ADRA1B: variants seen among roughly 807,000 people sequenced by gnomAD.
ADRA1B encodes alpha-1B adrenergic receptor.
Under a neutral mutation model 17.9 loss-of-function variants are expected in ADRA1B, and 17 were observed. The ratio of observed to expected loss-of-function variants is 0.95; its 90% CI spans 0.65 to 1.42. The LOEUF (loss-of-function observed/expected upper bound fraction) is 1.42, where lower values mean the gene tolerates loss of function less well. ADRA1B is among the 40% of genes most tolerant of loss of function. ADRA1B has a pLI of 0.00. For synonymous variants in ADRA1B, 366 were observed against 327.6 expected (o/e 1.12, Z -1.27); for missense variants, 681 against 722.1 (o/e 0.94, Z 0.65).
intron 1 of ADRA1B, among the ~76,000 whole-genome samples, chr5:159,949,997 G>T (rs1306194011): frequency 1.3e-5 from 2 of 152,242 alleles, no homozygotes; most frequent in Admixed American, 6.5e-5. Context: ...AGGGAAGAGA[G>T]AGTGAGGTCC....
At chr5:159,886,993 G>C (rs1349965063) in intron 1 of ADRA1B, among the ~76,000 whole-genome samples, 2 of 152,174 alleles carry the variant, frequency 1.3e-5, no homozygotes, top group African/African-American at 2.4e-5. Flanking sequence ...AGATGATGAT[G>C]ATGATCATGA....
chr5:159,961,316 A>G (rs1364594227), intron 1 of ADRA1B, among the ~76,000 whole-genome samples: 1 of 152,196 alleles, frequency 6.6e-6, no homozygotes, highest in African/African-American at 2.4e-5. Flanking sequence ...GTGGTACCTT[A>G]ATAACTGGTT....
chr5:159,977,332 C>T (rs1474143540), downstream of ADRA1B, among the ~76,000 whole-genome samples: 1 of 152,150 alleles, frequency 6.6e-6, no homozygotes, highest in Non-Finnish European at 1.5e-5. Context: ...GAGACCAAGA[C>T]CCAGGCTCAG....
intron 1 of ADRA1B, 22 bp from the exon 2 acceptor site, chr5:159,971,857 C>CGGGGGGGGCG: frequency 3.1e-6 from 1 of 317,828 alleles, no homozygotes; most frequent in Non-Finnish European, 5.7e-6. Context: ...TCTGCCCGTG[C>CGGGGGGGGCG]CCACCCCCCT....
intron 1 of ADRA1B, among the ~76,000 whole-genome samples, chr5:159,945,946 A>T (rs1343860681): frequency 1.3e-5 from 2 of 152,034 alleles, no homozygotes; most frequent in Admixed American, 1.3e-4. Context: ...ATGGGGTTTC[A>T]CCATGTTAGC....
chr5:159,975,974 C>T (rs1385195457), downstream of ADRA1B, among the ~76,000 whole-genome samples: 1 of 152,226 alleles, frequency 6.6e-6, no homozygotes, highest in African/African-American at 2.4e-5. Flanking sequence ...AAGTGGAATA[C>T]TAGTTAATTT....
chr5:159,908,945 C>A (rs1754195450), intron 1 of ADRA1B, among the ~76,000 whole-genome samples: 1 of 152,128 alleles, frequency 6.6e-6, no homozygotes, highest in Non-Finnish European at 1.5e-5. Context: ...GTCTAAAAGT[C>A]TCCACAAAAT....
intron 1 of ADRA1B, among the ~76,000 whole-genome samples, chr5:159,892,348 C>T (rs142982341): frequency 4.2e-4 from 64 of 152,188 alleles, no homozygotes; most frequent in African/African-American, 1.3e-3. Flanking sequence ...TTTAAGGTTC[C>T]GGGGTACATG....
At chr5:159,963,568 C>T (rs1174122504) in intron 1 of ADRA1B, among the ~76,000 whole-genome samples, 1 of 152,176 alleles carries the variant, frequency 6.6e-6, no homozygotes, top group Non-Finnish European at 1.5e-5. Context: ...TTCTAGAGCA[C>T]AGTCATGATG....
At chr5:159,945,814 C>A (rs1755255395) in intron 1 of ADRA1B, among the ~76,000 whole-genome samples, 1 of 150,204 alleles carries the variant, frequency 6.7e-6, no homozygotes, top group Non-Finnish European at 1.5e-5. Flanking sequence ...GTGGCGCGAT[C>A]TCGGCTCACT....
In ADRA1B at chr5:159,925,846, TGC is replaced by T. The variant is rs1196357409; in HGVS notation, c.949+7993_949+7994del. ...TATTTAAATAAGGGGAATAACCAATTGCATTAATAAACCTTACTTCTGAAAAC... is the reference window on the plus strand; with the variant it reads ...TATTTAAATAAGGGGAATAACCAATTATTAATAAACCTTACTTCTGAAAAC... On this transcript the variant is annotated intron_variant, in intron 1 of 1. Coordinates refer to ENST00000306675, the MANE Select transcript of ADRA1B (RefSeq NM_000679.4). 7.2e-5 allele frequency among the ~76,000 whole-genome samples: 11 copies of T among 152,198 alleles called. No individual in the cohort carries two copies. The South Asian group carries it at 1.9e-3, about 26-fold the overall frequency.
chr5:159,879,336 G>C (rs369476409), intron 1 of ADRA1B, among the ~76,000 whole-genome samples: 1 of 152,116 alleles, frequency 6.6e-6, no homozygotes, highest in African/African-American at 2.4e-5. Flanking sequence ...GTGACACAGC[G>C]CTTCTGCTGG....
chr5:159,969,017 C>G lies in ADRA1B; in HGVS notation c.950-2862C>G, dbSNP rs187133632. On this transcript the variant is annotated intron_variant, in intron 1 of 1. Transcript: ENST00000306675. ...TCAGGGAATACTAGGTGCTCATACA[C>G]CATAGTTGCATTTCAGCTGGGGCCT... is the stretch of plus-strand genomic sequence containing the variant. Among the ~76,000 whole-genome samples the G allele has an allele frequency of 3.0e-4, 46 of 152,338 alleles. 1 individual carries two copies. Among genetic ancestry groups the G allele is most frequent in the African/African-American group, 1.1e-3 (44 of 41,566 alleles).
Position 159,972,356 on chromosome 5 carries a change from T to C in ADRA1B, c.1427T>C (p.Phe476Ser). The change falls in exon 2 of 2, where the codon TTC becomes TCC. Residue 476 changes from phenylalanine (F) to serine (S), a missense_variant. Phe to Ser is a radical substitution (Grantham distance 155). Around this residue, in one of 3 missense-constraint regions of ADRA1B, gnomAD observed 251 missense variants for 224.9 expected, o/e 1.12. Coordinates refer to ENST00000306675, the MANE Select transcript of ADRA1B (RefSeq NM_000679.4). ...GRHDSGPLFT[F>S]KLLTEPESPG... ...CACGACTCGGGCCCGCTCTTCACCT[T>C]CAAGCTCCTGACCGAGCCCGAGAGC... 3 of 1,504,698 alleles carry C rather than the reference T, an allele frequency of 2.0e-6. No individual in the cohort carries two copies. The highest frequency in any genetic ancestry group is 2.6e-6 in the Non-Finnish European group (3 of 1,133,672). 93.2% of individuals were successfully genotyped at this position (1,504,698 alleles called of 1,614,324 possible).
intron 1 of ADRA1B, among the ~76,000 whole-genome samples, chr5:159,890,386 C>A (rs1022254039): frequency 6.6e-6 from 1 of 152,188 alleles, no homozygotes; most frequent in Non-Finnish European, 1.5e-5. Context: ...TCATCTATTG[C>A]TGCATAATAA....
chr5:159,943,639 C>T (rs1054121728), intron 1 of ADRA1B, among the ~76,000 whole-genome samples: 1 of 152,058 alleles, frequency 6.6e-6, no homozygotes, highest in East Asian at 1.9e-4. Flanking sequence ...GCTGAGCCTC[C>T]ACTGAGATGA....
intron 1 of ADRA1B, among the ~76,000 whole-genome samples, chr5:159,919,542 G>C (rs891710682): frequency 6.6e-6 from 1 of 152,246 alleles, no homozygotes; most frequent in African/African-American, 2.4e-5. Flanking sequence ...ACTTAGCACA[G>C]TATCTGGTGT....
intron 1 of ADRA1B, among the ~76,000 whole-genome samples, chr5:159,874,282 C>T (rs1205808958): frequency 2.6e-5 from 4 of 152,196 alleles, no homozygotes; most frequent in Admixed American, 2.6e-4. Context: ...CCTCCCACCA[C>T]CACCAACATA....
the ADRA1B span, among the ~76,000 whole-genome samples, chr5:159,982,662 A>C: frequency 9.2e-5 from 14 of 152,248 alleles, no homozygotes; most frequent in Admixed American, 2.0e-4. Flanking sequence ...TTGTACCTGG[A>C]AGGAAGCACC....
Sources: allele counts gnomAD v4.1 joint callset (sites outside exome capture counted in the v4.1 genomes callset), GRCh38; gene constraint gnomAD v4.1.1; regional missense constraint gnomAD v4.1.1; transcripts MANE v1.5; gene names NCBI Gene and HGNC (gene_info 2026-07-23, HGNC 2026-07-21).